BET1: variants seen among roughly 807,000 people sequenced by gnomAD.
The protein encoded by BET1 is BET1 homolog.
BET1 carries 9 observed loss-of-function variants against 13.9 expected under a neutral mutation model. That is an observed-to-expected ratio of 0.65 (90% CI 0.39 to 1.13). The LOEUF is 1.13. Among genes scored for constraint, BET1 ranks in the 50% most tolerant of loss-of-function variants. BET1 has a pLI of 0.01. For missense variants in BET1, 127 were observed against 133.6 expected (o/e 0.95, Z 0.24); for synonymous variants, 39 against 47.3 (o/e 0.82, Z 0.72).
intron 2 of BET1, among the ~76,000 whole-genome samples, chr7:93,998,392 GTTC>G: frequency 6.6e-6 from 1 of 152,112 alleles, no homozygotes; most frequent in African/African-American, 2.4e-5. Flanking sequence ...TCTTCCAATA[GTTC>G]AACTAAGAAA....
intron 3 of BET1, 47 bp downstream of exon 3, chr7:93,996,218 G>T: frequency 7.5e-7 from 1 of 1,332,406 alleles, no homozygotes; most frequent in Non-Finnish European, 1.1e-6. Context: ...TCTATTATTT[G>T]CGAATATTAG....
At chr7:93,979,732 G>A (rs892056376) in intron 4 of BET1, among the ~76,000 whole-genome samples, 33 of 152,062 alleles carry the variant, frequency 2.2e-4, no homozygotes, top group African/African-American at 7.0e-4. Context: ...CTTCTCCCTG[G>A]GGAGTTAAGG....
At chr7:93,980,629 G>C (rs1222962758) in intron 4 of BET1, among the ~76,000 whole-genome samples, 1 of 151,978 alleles carries the variant, frequency 6.6e-6, no homozygotes, top group African/African-American at 2.4e-5. Context: ...CATAATAAAG[G>C]CCATACATGG....
intron 5 of BET1, among the ~76,000 whole-genome samples, chr7:93,972,818 A>C (rs1279906194): frequency 6.6e-6 from 1 of 151,694 alleles, no homozygotes; most frequent in East Asian, 1.9e-4. Flanking sequence ...AGGGAAAAAA[A>C]GTGGGTAGAC....
chr7:93,976,346 G>T (rs1795335930), intron 4 of BET1, among the ~76,000 whole-genome samples: 1 of 144,872 alleles, frequency 6.9e-6, no homozygotes, highest in Admixed American at 6.9e-5. Context: ...TCTACTTATT[G>T]TGTGTGTGTG....
intron 1 of BET1, among the ~76,000 whole-genome samples, chr7:94,001,385 A>G (rs934983100): frequency 1.3e-5 from 2 of 152,244 alleles, no homozygotes; most frequent in Non-Finnish European, 2.9e-5. Flanking sequence ...GCTTCTCTGA[A>G]GGCAAAGACA....
At chr7:93,973,412 T>C (rs1198648104) in intron 5 of BET1, among the ~76,000 whole-genome samples, 7 of 151,984 alleles carry the variant, frequency 4.6e-5, no homozygotes, top group Non-Finnish European at 5.9e-5. Flanking sequence ...TAGGAAGGTT[T>C]TGGGATCCTC....
At position 94,004,210 on chromosome 7, in the gene BET1, G is replaced by C. The variant is rs1380907829; in HGVS notation, c.7C>G (p.Arg3Gly). The change falls in exon 1 of 4, where the codon CGT (arginine) becomes GGT (glycine). Residue 3 changes from arginine to glycine, a missense_variant. Coordinates refer to ENST00000222547, the MANE Select transcript of BET1 (RefSeq NM_005868.6). MR[R>G]AGLGEGVPPG... ...GCCCTCTTCTTACCCAGGCCTGCACGCCTCATCCTGCCAGAGGAGAGAGAG... is the reference window on the plus strand; with the variant it reads ...GCCCTCTTCTTACCCAGGCCTGCACCCCTCATCCTGCCAGAGGAGAGAGAG... 6.2e-7 allele frequency: 1 copy of C among 1,614,044 alleles called. No homozygotes were observed. The highest frequency in any genetic ancestry group is 8.5e-7 in the Non-Finnish European group (1 of 1,179,962).
At chr7:93,994,478 C>T (rs1668075763) in intron 3 of BET1, 93 bp from the exon 4 acceptor site, 2 of 1,298,390 alleles carry the variant, frequency 1.5e-6, no homozygotes, top group East Asian at 2.5e-5. Flanking sequence ...TACCATAGTA[C>T]ATTTGTAATG....
At chr7:93,978,117 G>C (rs1269253617) in intron 4 of BET1, among the ~76,000 whole-genome samples, 1 of 151,674 alleles carries the variant, frequency 6.6e-6, no homozygotes, top group East Asian at 1.9e-4. Flanking sequence ...TGTTGCCCAG[G>C]TTGGAGTGCA....
intron 4 of BET1, among the ~76,000 whole-genome samples, chr7:93,986,428 A>C (rs753295292): frequency 6.6e-6 from 1 of 152,216 alleles, no homozygotes; most frequent in South Asian, 2.1e-4. Flanking sequence ...TGATTCCCTT[A>C]TATCAGCATA....
downstream of BET1, among the ~76,000 whole-genome samples, chr7:93,989,315 A>C (rs1795586233): frequency 6.6e-6 from 1 of 152,106 alleles, no homozygotes; most frequent in Admixed American, 6.6e-5. Context: ...TGCCAGGCCG[A>C]AGCAAGTATA....
intron 4 of BET1, among the ~76,000 whole-genome samples, chr7:93,979,757 T>C (rs1011875660): frequency 2.0e-5 from 3 of 151,462 alleles, no homozygotes; most frequent in African/African-American, 4.9e-5. Flanking sequence ...GACTGGATCA[T>C]ATATCCAATG....
chr7:93,996,769 T>A lies in BET1; in HGVS notation c.145-448A>T, dbSNP rs1310295760. 2.0e-5 allele frequency among the ~76,000 whole-genome samples: 3 copies of A among 151,208 alleles called. No individual in the cohort carries two copies. In the East Asian group the frequency reaches 5.8e-4, roughly 29 times the overall value. On this transcript the variant is annotated intron_variant, in intron 2 of 3. Coordinates refer to ENST00000222547, the MANE Select transcript of BET1 (RefSeq NM_005868.6). ...GTTTGGGGGTACAGGTGAAGGTTTG[T>A]TATACAGTTAAACTCATGTCACATG...
At chr7:93,988,965 A>C (rs913704572), downstream of BET1, among the ~76,000 whole-genome samples, 3 of 148,128 alleles carry the variant, frequency 2.0e-5, no homozygotes, top group African/African-American at 7.4e-5. Context: ...ATATATATAC[A>C]TATATAAAAG....
At chr7:93,996,470 C>T in intron 2 of BET1, 149 bp from the exon 3 acceptor site, 1 of 532,650 alleles carries the variant, frequency 1.9e-6, no homozygotes, top group Non-Finnish European at 3.2e-6. Flanking sequence ...ACTTTTTCTA[C>T]CAAGATCAAT....
chr7:93,974,583 T>C (rs941417381), intron 5 of BET1, among the ~76,000 whole-genome samples: 11 of 151,938 alleles, frequency 7.2e-5, no homozygotes, highest in African/African-American at 2.7e-4. Flanking sequence ...TTATAATCCA[T>C]AGAATAAAGT....
At chr7:93,976,248 G>T in intron 4 of BET1, 1 of 528,922 alleles carries the variant, frequency 1.9e-6, no homozygotes, top group Non-Finnish European at 2.7e-6. Context: ...TTATGTGATA[G>T]AAAGCTTTCT....
chr7:93,977,037 T>C (rs1795347155), intron 4 of BET1, among the ~76,000 whole-genome samples: 1 of 152,150 alleles, frequency 6.6e-6, no homozygotes, highest in African/African-American at 2.4e-5. Flanking sequence ...GATATATCTA[T>C]ATCTATCTAT....
Sources: allele counts gnomAD v4.1 joint callset (sites outside exome capture counted in the v4.1 genomes callset), GRCh38; gene constraint gnomAD v4.1.1; transcripts MANE v1.5; gene names NCBI Gene and HGNC (gene_info 2026-07-23, HGNC 2026-07-21).